The following MGMT variants were observed in gnomAD, a reference collection of about 807,000 sequenced individuals.
MGMT encodes O-6-methylguanine-DNA methyltransferase.
In MGMT, 14 loss-of-function variants were observed where a neutral mutation model predicts 15.9. That is an observed-to-expected ratio of 0.88 (90% confidence interval 0.58 to 1.37). The LOEUF (loss-of-function observed/expected upper bound fraction) is 1.37. Among genes scored for constraint, MGMT ranks in the 40% most tolerant of loss-of-function variants. MGMT has a pLI of 0.00. For missense variants in MGMT, 282 were observed against 268.1 expected (o/e 1.05, Z -0.36); for synonymous variants, 130 against 118.2 (o/e 1.10, Z -0.65).
chr10:129,718,333 A>G (rs1848323653), intron 3 of MGMT, among the ~76,000 whole-genome samples: 1 of 152,196 alleles, frequency 6.6e-6, no homozygotes, highest in African/African-American at 2.4e-5. Flanking sequence ...TGTGGAATCC[A>G]GCAGCTCCGT....
At chr10:129,637,245 G>T (rs937061392) in intron 2 of MGMT, among the ~76,000 whole-genome samples, 1 of 152,184 alleles carries the variant, frequency 6.6e-6, no homozygotes, top group Non-Finnish European at 1.5e-5. Flanking sequence ...AATGGAAAAA[G>T]GATGTGTCTT....
At chr10:129,687,846 C>T (rs918455703) in intron 2 of MGMT, among the ~76,000 whole-genome samples, 2 of 151,972 alleles carry the variant, frequency 1.3e-5, no homozygotes, top group East Asian at 3.9e-4. Flanking sequence ...ATCCCTCCCC[C>T]AGCCCCCCAC....
chr10:129,636,802 C>G (rs1007148340), intron 2 of MGMT, among the ~76,000 whole-genome samples: 1 of 152,098 alleles, frequency 6.6e-6, no homozygotes, highest in African/African-American at 2.4e-5. Context: ...ATTATATAAT[C>G]TTTTGAGTCA....
At chr10:129,525,624 G>C (rs983773769) in intron 1 of MGMT, among the ~76,000 whole-genome samples, 9 of 152,098 alleles carry the variant, frequency 5.9e-5, no homozygotes, top group South Asian at 4.2e-4. Flanking sequence ...GTGCTGTGCG[G>C]TGCGGGGCCG....
intron 1 of MGMT, among the ~76,000 whole-genome samples, chr10:129,530,099 C>T (rs1473771854): frequency 1.3e-5 from 2 of 151,854 alleles, no homozygotes; most frequent in African/African-American, 4.8e-5. Context: ...GCTGGGGTTT[C>T]GCCACATTGC....
chr10:129,730,430 C>T lies in MGMT; in HGVS notation c.274+22387C>T, dbSNP rs76202367. Among the ~76,000 whole-genome samples, 298 of 152,246 alleles carry T rather than the reference C, an allele frequency of 2.0e-3. 1 individual carries two copies. Among genetic ancestry groups the T allele is most frequent in the African/African-American group, 6.5e-3 (269 of 41,542 alleles). ...CCTGTGAGTCTGGGATTGTGTGAGG[C>T]GAGCGTGCGTATTCATTCTACTGCA... On this transcript the variant is annotated intron_variant, in intron 3 of 4. Transcript: ENST00000651593.
chr10:129,470,132 C>A (rs1845214279), intron 1 of MGMT, among the ~76,000 whole-genome samples: 1 of 152,152 alleles, frequency 6.6e-6, no homozygotes, highest in Non-Finnish European at 1.5e-5. Context: ...ACAAGCCAGC[C>A]CTTCGCCCCA....
At chr10:129,522,746 C>A (rs1050486564) in intron 1 of MGMT, among the ~76,000 whole-genome samples, 1 of 152,158 alleles carries the variant, frequency 6.6e-6, no homozygotes, top group African/African-American at 2.4e-5. Flanking sequence ...AATCCCATGT[C>A]GATGTCTGGA....
intron 2 of MGMT, among the ~76,000 whole-genome samples, chr10:129,642,671 A>G (rs112918999): frequency 0.048 from 7,309 of 152,272 alleles, 214 homozygotes; most frequent in Middle Eastern, 0.088. Context: ...TGCTATTAGC[A>G]TCTCTTAGTC....
chr10:129,495,721 G>A (rs991489666), intron 1 of MGMT, among the ~76,000 whole-genome samples: 3 of 152,140 alleles, frequency 2.0e-5, no homozygotes, highest in Non-Finnish European at 2.9e-5. Flanking sequence ...AATCTGGCCC[G>A]TCCTAGGCTT....
At chr10:129,579,320 T>C (rs1846524059) in intron 2 of MGMT, among the ~76,000 whole-genome samples, 1 of 152,212 alleles carries the variant, frequency 6.6e-6, no homozygotes, top group Non-Finnish European at 1.5e-5. Context: ...ACACCTGTGC[T>C]CACCTGTACC....
chr10:129,473,944 C>T (rs1401405648), intron 1 of MGMT, among the ~76,000 whole-genome samples: 1 of 152,126 alleles, frequency 6.6e-6, no homozygotes, highest in Non-Finnish European at 1.5e-5. Context: ...ACTGTGCACA[C>T]GCTTCACCAT....
chr10:129,763,306 A>G (rs576653873), intron 4 of MGMT, among the ~76,000 whole-genome samples: 199 of 152,296 alleles, frequency 1.3e-3, no homozygotes, highest in Non-Finnish European at 2.3e-3. Flanking sequence ...GGGCCCCAAT[A>G]AATTTCAGCA....
intron 2 of MGMT, among the ~76,000 whole-genome samples, chr10:129,592,127 G>A (rs1846694447): frequency 6.6e-6 from 1 of 152,122 alleles, no homozygotes; most frequent in Non-Finnish European, 1.5e-5. Context: ...AGGGTGACGG[G>A]AGTGGCCACT....
chr10:129,484,875 A>G (rs567777584), intron 1 of MGMT, among the ~76,000 whole-genome samples: 26 of 151,150 alleles, frequency 1.7e-4, no homozygotes, highest in Middle Eastern at 3.4e-3. Context: ...TATTTACATA[A>G]TGTCTTTACT....
chr10:129,633,056 G>A (rs1280373535), intron 2 of MGMT, among the ~76,000 whole-genome samples: 6 of 152,104 alleles, frequency 3.9e-5, no homozygotes, highest in Admixed American at 6.5e-5. Context: ...AGGATGGGCC[G>A]GAAATGGGGA....
intron 2 of MGMT, among the ~76,000 whole-genome samples, chr10:129,581,430 G>A (rs1383556918): frequency 2.0e-5 from 3 of 152,166 alleles, no homozygotes; most frequent in Non-Finnish European, 4.4e-5. Context: ...CACATCATTG[G>A]CATGGTCTCG....
At chr10:129,479,793 G>A (rs1427004243) in intron 1 of MGMT, among the ~76,000 whole-genome samples, 2 of 151,956 alleles carry the variant, frequency 1.3e-5, no homozygotes. Context: ...GGTTGGGGTG[G>A]GGGTGGAGTG....
At chr10:129,658,036 G>A (rs758402473) in intron 2 of MGMT, among the ~76,000 whole-genome samples, 3 of 152,140 alleles carry the variant, frequency 2.0e-5, no homozygotes, top group Admixed American at 6.5e-5. Flanking sequence ...AAATCTCTGG[G>A]GGTCTTTCAA....
Sources: allele counts gnomAD v4.1 joint callset (sites outside exome capture counted in the v4.1 genomes callset), GRCh38; gene constraint gnomAD v4.1.1; transcripts MANE v1.5; gene names NCBI Gene and HGNC (gene_info 2026-07-23, HGNC 2026-07-21).